The following GLI2 variants were observed in gnomAD, a reference collection of about 807,000 sequenced individuals.
GLI2 encodes the protein transcription activator GLI2.
In GLI2, 22 loss-of-function variants were observed where a neutral mutation model predicts 78.9. That is an observed-to-expected ratio of 0.28 (90% CI 0.20 to 0.40). GLI2 has a LOEUF of 0.40. Ranked by LOEUF, GLI2 falls within the 10% of genes least tolerant of loss-of-function variation. The pLI is 1.00. For synonymous variants in GLI2, 974 were observed against 963.7 expected (o/e 1.01, Z -0.20); for missense variants, 2,097 against 2,213.2 (o/e 0.95, Z 1.05).
chr2:120,848,969 T>C (rs1687259372), intron 2 of GLI2, among the ~76,000 whole-genome samples: 1 of 152,172 alleles, frequency 6.6e-6, no homozygotes, highest in South Asian at 2.1e-4. Context: ...AAACAAACTG[T>C]AGCTTACCAT....
At chr2:120,793,563 G>A (rs1336467535) in intron 1 of GLI2, among the ~76,000 whole-genome samples, 5 of 152,154 alleles carry the variant, frequency 3.3e-5, no homozygotes, top group African/African-American at 7.2e-5. Flanking sequence ...TGCTAATCCC[G>A]CTAATTCCTG....
chr2:120,877,334 T>C (rs1688804669), intron 2 of GLI2, among the ~76,000 whole-genome samples: 1 of 152,234 alleles, frequency 6.6e-6, no homozygotes, highest in Non-Finnish European at 1.5e-5. Flanking sequence ...TATTTTGATG[T>C]GGCTTCAAAA....
At chr2:120,936,466 G>A (rs773593199) in intron 3 of GLI2, among the ~76,000 whole-genome samples, 2 of 152,164 alleles carry the variant, frequency 1.3e-5, no homozygotes, top group Non-Finnish European at 2.9e-5. Context: ...TCAATTCATA[G>A]AGGCGAGAAC....
In GLI2 at chr2:120,989,583, G is replaced by A; in HGVS notation, c.3618G>A (p.Gln1206=). The change falls in exon 14 of 14, where the codon CAG becomes CAA. Residue 1206 remains glutamine, a synonymous_variant. Transcript: ENST00000361492. ...SQGIPRVNYM[Q]QLRQPVAGSQ... Reference sequence around the variant, plus strand: ...GCATCCCCAGGGTAAACTACATGCAGCAGCTGCGACAGCCAGTGGCAGGCA... The same window carrying A: ...GCATCCCCAGGGTAAACTACATGCAACAGCTGCGACAGCCAGTGGCAGGCA... 3 of 1,613,294 alleles carry A rather than the reference G, an allele frequency of 1.9e-6. No individual in the cohort carries two copies. The highest frequency in any genetic ancestry group is 2.5e-6 in the Non-Finnish European group (3 of 1,179,956).
intron 2 of GLI2, 76 bp downstream of exon 2, chr2:120,797,544 G>T (rs1013371496): frequency 4.3e-6 from 6 of 1,408,902 alleles, no homozygotes; most frequent in Non-Finnish European, 6.0e-6. Flanking sequence ...TTAGAGTGGT[G>T]GCCCATGTCG....
intron 1 of GLI2, 126 bp from the exon 2 acceptor site, chr2:120,797,165 C>T: frequency 1.3e-6 from 1 of 748,394 alleles, no homozygotes; most frequent in South Asian, 1.5e-5. Flanking sequence ...AACCCTCCTT[C>T]CCAATTATAA....
Position 120,990,219 on chromosome 2 carries a change from C to A in GLI2, c.4254C>A (p.Asp1418Glu). Residue 1418 changes from aspartate (D) to glutamate (E), a missense_variant, in exon 14 of 14, where the codon GAC becomes GAA. Asp to Glu is a conservative substitution (Grantham distance 45). This residue lies in a region of GLI2 where 1,290 missense variants were observed against 1,261.7 expected (regional missense o/e 1.02). Coordinates refer to ENST00000361492, the MANE Select transcript of GLI2 (RefSeq NM_001374353.1). ...GSVPPQPPPQDAGGAPDHSML... is the reference protein window; with the variant it reads ...GSVPPQPPPQEAGGAPDHSML... ...TGCCTCCCCAGCCGCCTCCGCAGGA[C>A]GCAGGTGGGGCCCCGGACCACAGCA... is the stretch of plus-strand genomic sequence containing the variant. 6.2e-7 allele frequency: 1 copy of A among 1,613,558 alleles called. No individual in the cohort carries two copies. Among genetic ancestry groups the A allele is most frequent in the Non-Finnish European group, 8.5e-7 (1 of 1,180,008 alleles).
chr2:120,891,810 C>T (rs1677696564), intron 2 of GLI2, among the ~76,000 whole-genome samples: 1 of 152,202 alleles, frequency 6.6e-6, no homozygotes, highest in African/African-American at 2.4e-5. Flanking sequence ...GAAAAAGCAG[C>T]AGAGAGGGGC....
At chr2:120,819,874 C>G (rs1171756036) in intron 2 of GLI2, among the ~76,000 whole-genome samples, 1 of 152,158 alleles carries the variant, frequency 6.6e-6, no homozygotes, top group East Asian at 1.9e-4. Flanking sequence ...CATCCTGCTG[C>G]TGGGGGAAGA....
chr2:120,841,395 A>G (rs1382706314), intron 2 of GLI2, among the ~76,000 whole-genome samples: 3 of 152,172 alleles, frequency 2.0e-5, no homozygotes, highest in Non-Finnish European at 4.4e-5. Context: ...ATTTCATCTC[A>G]CTTTGCCTGG....
At position 120,988,852 on chromosome 2, in the gene GLI2, T is replaced by A; in HGVS notation, c.2887T>A (p.Ser963Thr). 2 of 1,490,378 alleles carry A rather than the reference T, an allele frequency of 1.3e-6. No homozygotes were observed. The highest frequency in any genetic ancestry group is 1.8e-6 in the Non-Finnish European group (2 of 1,122,314). The allele number at this position is 1,490,378 out of a possible 1,614,324, so 92.3% of individuals were successfully genotyped here. A position where few individuals can be genotyped will look rare whatever the true frequency, so the allele number is the denominator to read the frequency against. ...SDPVRRPDAL[S>T]LPRVQRFHST... The stretch of plus-strand genomic sequence containing the variant: ...CCCTGTGCGGCGGCCCGATGCCCTG[T>A]CCCTGCCGCGGGTGCAGCGCTTCCA... Residue 963 changes from serine to threonine, a missense_variant, in exon 14 of 14, where the codon TCC becomes ACC. By Grantham distance (58) the Ser-to-Thr change is moderately conservative. Transcript: ENST00000361492.
rs758545876 is a variant in GLI2 at position 120,989,671 on chromosome 2, C to G, written c.3706C>G (p.Gln1236Glu). Reference sequence around the variant, plus strand: ...TGCCTGCTATGGCCAAGTCCACCCCCAGCTGAGCCCCAGCACCATCAGTGG... The same window carrying G: ...TGCCTGCTATGGCCAAGTCCACCCCGAGCTGAGCCCCAGCACCATCAGTGG... ...PHACYGQVHP[Q>E]LSPSTISGAL... The change falls in exon 14 of 14, where the codon CAG becomes GAG. Residue 1236 changes from glutamine (Q) to glutamate (E), a missense_variant. Gln to Glu is a conservative substitution (Grantham distance 29). Transcript: ENST00000361492. 4 of 1,613,322 alleles carry G rather than the reference C, an allele frequency of 2.5e-6. No individual in the cohort carries two copies. The highest frequency in any genetic ancestry group is 3.4e-6 in the Non-Finnish European group (4 of 1,180,016).
intron 2 of GLI2, among the ~76,000 whole-genome samples, chr2:120,896,643 A>C (rs897097620): frequency 3.4e-5 from 4 of 117,092 alleles, no homozygotes; most frequent in Admixed American, 9.3e-5. Flanking sequence ...ACACATACAC[A>C]CACACACACA....
chr2:120,830,772 G>A (rs1270829642), intron 2 of GLI2, among the ~76,000 whole-genome samples: 1 of 152,162 alleles, frequency 6.6e-6, no homozygotes, highest in Non-Finnish European at 1.5e-5. Context: ...TGTTCCCTCT[G>A]TTTTCTGGGT....
intron 2 of GLI2, among the ~76,000 whole-genome samples, chr2:120,835,275 C>A (rs1168454743): frequency 6.6e-6 from 1 of 152,070 alleles, no homozygotes; most frequent in Non-Finnish European, 1.5e-5. Context: ...ACAACCAATA[C>A]CAGGCTTTGG....
At chr2:120,769,035 C>T (rs1558787118) in intron 1 of GLI2, among the ~76,000 whole-genome samples, 1 of 152,324 alleles carries the variant, frequency 6.6e-6, no homozygotes, top group East Asian at 1.9e-4. Context: ...TGTGGCTTCT[C>T]AGTGATGAAG....
chr2:120,855,416 A>G (rs923085820), intron 2 of GLI2, among the ~76,000 whole-genome samples: 1 of 152,158 alleles, frequency 6.6e-6, no homozygotes, highest in African/African-American at 2.4e-5. Context: ...TGCACAGTGC[A>G]TTGTCCATCA....
Position 120,973,623 on chromosome 2 carries a change from G to A in GLI2, c.1183-1352G>A, listed in dbSNP as rs558047820. On this transcript the variant is annotated intron_variant, in intron 8 of 13. Transcript: ENST00000361492. ...GGCCCTCTGGTCCACTCTCCCCATG[G>A]TCTCACCCCAACAGCCCCCAGACGA... Among the ~76,000 whole-genome samples, 9 of 152,274 alleles carry A rather than the reference G, an allele frequency of 5.9e-5. No individual in the cohort carries two copies. In the South Asian group the frequency reaches 1.5e-3, roughly 25 times the overall value.
At chr2:120,905,648 C>G (rs927601039) in intron 2 of GLI2, among the ~76,000 whole-genome samples, 2 of 152,198 alleles carry the variant, frequency 1.3e-5, no homozygotes, top group East Asian at 3.9e-4. Context: ...TGCCCACTGT[C>G]CAGTGGCTCC....
Sources: gnomAD v4.1 joint callset for allele counts (sites outside exome capture counted in the v4.1 genomes callset) on GRCh38, gnomAD v4.1.1 for gene constraint, gnomAD v4.1.1 regional missense constraint, MANE v1.5 for transcripts, NCBI Gene and HGNC (gene_info 2026-07-23, HGNC 2026-07-21) for gene names.